Variants in CNTN4 observed in about 807,000 individuals in gnomAD.
CNTN4 encodes the protein contactin-4.
A neutral mutation model predicts 122.5 loss-of-function variants in CNTN4; 77 were observed. That is an observed-to-expected ratio of 0.63 (90% CI 0.52 to 0.76). The LOEUF (loss-of-function observed/expected upper bound fraction) is 0.76. Ranked by LOEUF, CNTN4 falls within the 30% of genes least tolerant of loss-of-function variation. The pLI is 0.00. For synonymous variants in CNTN4, 512 were observed against 447.0 expected, an observed-to-expected ratio of 1.15 and a Z score of -1.83; for missense variants, 1,256 against 1,259.1, an observed-to-expected ratio of 1.00 and a Z score of 0.04.
chr3:2,273,263 A>T (rs2149832243), intron 2 of CNTN4, among the ~76,000 whole-genome samples: 1 of 152,316 alleles, frequency 6.6e-6, no homozygotes, highest in Non-Finnish European at 1.5e-5. Context: ...TTGTGGTCTT[A>T]GTTGTCATTT....
intron 3 of CNTN4, among the ~76,000 whole-genome samples, chr3:2,340,710 T>TATATATAGAGAGAGAGAGAGAGAG: frequency 3.3e-4 from 6 of 18,300 alleles, no homozygotes; most frequent in East Asian, 5.0e-3. Flanking sequence ...TATATATATA[T>TATATATAGAGAGAGAGAGAGAGAG]AGAGAGAGAG....
intron 2 of CNTN4, among the ~76,000 whole-genome samples, chr3:2,274,874 T>A (rs2041440520): frequency 7.4e-6 from 1 of 134,608 alleles, no homozygotes; most frequent in Non-Finnish European, 1.6e-5. Flanking sequence ...ATGCTAGGAA[T>A]TCAAGAATGG....
intron 7 of CNTN4, 91 bp downstream of exon 7, chr3:2,819,672 G>A (rs2092819524): frequency 2.0e-6 from 2 of 975,700 alleles, no homozygotes; most frequent in Non-Finnish European, 3.3e-6. Context: ...TGAGTGCACA[G>A]TGTCATTTAT....
chr3:2,670,149 T>C (rs1277289804), intron 4 of CNTN4, among the ~76,000 whole-genome samples: 1 of 152,166 alleles, frequency 6.6e-6, no homozygotes, highest in East Asian at 1.9e-4. Context: ...GATATCCTTG[T>C]TAACTTTCTG....
At chr3:2,712,148 A>G (rs1027136508) in intron 4 of CNTN4, among the ~76,000 whole-genome samples, 5 of 152,204 alleles carry the variant, frequency 3.3e-5, no homozygotes, top group African/African-American at 1.2e-4. Context: ...GCAAAACTTG[A>G]AATAAAATTG....
At chr3:2,835,066 G>A (rs540554112) in intron 7 of CNTN4, among the ~76,000 whole-genome samples, 3 of 151,506 alleles carry the variant, frequency 2.0e-5, no homozygotes, top group East Asian at 1.9e-4. Context: ...CACCACGCCC[G>A]GCTCATTTTT....
intron 2 of CNTN4, among the ~76,000 whole-genome samples, chr3:2,198,033 A>G (rs2037927511): frequency 6.6e-6 from 1 of 151,674 alleles, no homozygotes; most frequent in South Asian, 2.1e-4. Flanking sequence ...CTCTGGAAAA[A>G]AAAAAAAAAG....
chr3:2,270,830 T>A (rs2041264804), intron 2 of CNTN4, among the ~76,000 whole-genome samples: 1 of 152,154 alleles, frequency 6.6e-6, no homozygotes, highest in Non-Finnish European at 1.5e-5. Context: ...TTTCTTACAG[T>A]TCAGCTGCCT....
At chr3:2,239,353 C>G (rs1477040483) in intron 2 of CNTN4, among the ~76,000 whole-genome samples, 1 of 152,160 alleles carries the variant, frequency 6.6e-6, no homozygotes, top group Admixed American at 6.5e-5. Flanking sequence ...TGAGTCCTAA[C>G]TCTGCTAATG....
chr3:2,107,696 T>G (rs1263288730), intron 2 of CNTN4, among the ~76,000 whole-genome samples: 1 of 152,148 alleles, frequency 6.6e-6, no homozygotes. Context: ...TGATTTGGGT[T>G]GGATTTGTAT....
At chr3:2,327,020 G>A (rs2043490596) in intron 2 of CNTN4, among the ~76,000 whole-genome samples, 1 of 152,104 alleles carries the variant, frequency 6.6e-6, no homozygotes, top group Non-Finnish European at 1.5e-5. Context: ...AATTTTCAAA[G>A]TGTTTTAAAT....
intron 4 of CNTN4, among the ~76,000 whole-genome samples, chr3:2,601,942 G>T (rs142374288): frequency 6.6e-6 from 1 of 151,802 alleles, no homozygotes; most frequent in Non-Finnish European, 1.5e-5. Flanking sequence ...TTCAACATAC[G>T]CAAATCAATA....
rs147858018 is a variant in CNTN4, at chr3:2,840,920, T to C, written c.454+21339T>C. Among the ~76,000 whole-genome samples the C allele has an allele frequency of 1.1e-3, 163 of 152,220 alleles. 1 individual carries two copies. Among genetic ancestry groups the C allele is most frequent in the African/African-American group, 3.7e-3 (154 of 41,548 alleles). On this transcript the variant is annotated intron_variant, in intron 7 of 24. Coordinates refer to ENST00000418658, the MANE Select transcript of CNTN4 (RefSeq NM_175607.3). Reference sequence around the variant, plus strand: ...GTCACCTGAAAAGCTATTTCTGTGATACTGTTAATCTTTTCTAATTGCTAA... The same window carrying C: ...GTCACCTGAAAAGCTATTTCTGTGACACTGTTAATCTTTTCTAATTGCTAA...
intron 3 of CNTN4, chr3:2,511,806 G>C (rs911580184): frequency 6.6e-6 from 1 of 152,284 alleles, no homozygotes; most frequent in East Asian, 1.9e-4. Flanking sequence ...AATCAAGCTG[G>C]TGAGGTAGAG....
intron 13 of CNTN4, among the ~76,000 whole-genome samples, chr3:2,984,157 C>T (rs926645627): frequency 6.6e-6 from 1 of 152,150 alleles, no homozygotes; most frequent in Non-Finnish European, 1.5e-5. Flanking sequence ...CAAAGAGAGC[C>T]TTCTACTACG....
chr3:2,244,919 A>G (rs1346314466), intron 2 of CNTN4, among the ~76,000 whole-genome samples: 1 of 152,098 alleles, frequency 6.6e-6, no homozygotes, highest in African/African-American at 2.4e-5. Context: ...TATATAACAT[A>G]TAAACTTAAA....
chr3:2,170,166 A>AT (rs2036423776), intron 2 of CNTN4, among the ~76,000 whole-genome samples: 1 of 144,438 alleles, frequency 6.9e-6, no homozygotes, highest in Non-Finnish European at 1.5e-5. Flanking sequence ...CTAAAAATAC[A>AT]AAAAATTAGC....
intron 2 of CNTN4, among the ~76,000 whole-genome samples, chr3:2,237,625 A>C (rs529751813): frequency 6.6e-6 from 1 of 152,216 alleles, no homozygotes; most frequent in African/African-American, 2.4e-5. Context: ...CTTATTTAAT[A>C]TAACCTTCTT....
At chr3:2,996,956 C>G (rs1379971041) in intron 14 of CNTN4, among the ~76,000 whole-genome samples, 1 of 152,162 alleles carries the variant, frequency 6.6e-6, no homozygotes, top group East Asian at 1.9e-4. Context: ...AAATAAAAAT[C>G]TATCTTTTTC....
Sources: allele counts gnomAD v4.1 joint callset (sites outside exome capture counted in the v4.1 genomes callset), GRCh38; gene constraint gnomAD v4.1.1; transcripts MANE v1.5; gene names NCBI Gene and HGNC (gene_info 2026-07-23, HGNC 2026-07-21).